Variants in ZNF729 observed in about 807,000 individuals in gnomAD.
ZNF729 encodes the protein zinc finger protein 729.
A neutral mutation model predicts 12.2 loss-of-function variants in ZNF729; 15 were observed. The ratio of observed to expected loss-of-function variants is 1.23; its 90% CI spans 0.82 to 1.89. The LOEUF is 1.89. Among genes scored for constraint, ZNF729 ranks in the 40% most tolerant of loss-of-function variants. The pLI is 0.00. For synonymous variants in ZNF729, 492 were observed against 476.3 expected, an observed-to-expected ratio of 1.03 and a Z score of -0.43; for missense variants, 1,540 against 1,456.7, an observed-to-expected ratio of 1.06 and a Z score of -0.93.
rs187014409 is a variant in ZNF729 at position 22,317,162 on chromosome 19, G to C, written c.3745G>C (p.Ala1249Pro). ...GEKPYKCEECAKAF is the reference protein window; with the variant it reads ...GEKPYKCEECPKAF ...GAAACCCTACAAATGTGAAGAATGT[G>C]CCAAAGCTTTTTAACCATCCTTCAA... The change falls in exon 4 of 4, where the codon GCC becomes CCC. Residue 1249 changes from alanine (A) to proline (P), a missense_variant. Ala to Pro is a conservative substitution (Grantham distance 27). Transcript: ENST00000601693. The C allele has an allele frequency of 8.8e-6, 14 of 1,596,668 alleles. No individual in the cohort carries two copies. In the African/African-American group the frequency reaches 1.4e-4, roughly 16 times the overall value.
At chr19:22,309,982 A>C (rs1480066527) in intron 3 of ZNF729, among the ~76,000 whole-genome samples, 1 of 151,528 alleles carries the variant, frequency 6.6e-6, no homozygotes, top group African/African-American at 2.4e-5. Context: ...GCTATTGTAA[A>C]AGGGGTTGAG....
At chr19:22,307,789 G>T (rs1599757277) in intron 3 of ZNF729, among the ~76,000 whole-genome samples, 1 of 138,654 alleles carries the variant, frequency 7.2e-6, no homozygotes, top group Non-Finnish European at 1.5e-5. Context: ...TCAAAATTTG[G>T]AAAGCTCTGT....
intron 1 of ZNF729, among the ~76,000 whole-genome samples, chr19:22,295,704 T>G (rs1968222723): frequency 6.6e-6 from 1 of 152,198 alleles, no homozygotes; most frequent in Non-Finnish European, 1.5e-5. Context: ...CCAGTCGATA[T>G]GCCAGTTTTC....
At position 22,303,896 on chromosome 19, in the gene ZNF729, T is replaced by A. The variant is rs1245711470; in HGVS notation, c.157+12T>A. 1 of 1,558,964 alleles carries A rather than the reference T, an allele frequency of 6.4e-7. No homozygotes were observed. Among genetic ancestry groups the A allele is most frequent in the East Asian group, 2.4e-5 (1 of 41,984 alleles). On this transcript the variant is annotated intron_variant, in intron 2 of 3. Coordinates refer to ENST00000601693, the MANE Select transcript of ZNF729 (RefSeq NM_001242680.2). ...CCTGGTCTTCCTGGGTGAGGATAAT[T>A]TTAATTAAGCAATTCCTATTATATT... is the stretch of plus-strand genomic sequence containing the variant.
chr19:22,288,851 A>G (rs1249097677), intron 1 of ZNF729, among the ~76,000 whole-genome samples: 1 of 152,092 alleles, frequency 6.6e-6, no homozygotes, highest in African/African-American at 2.4e-5. Flanking sequence ...CGAATCTTTG[A>G]AATCAAAAAT....
rs1162397558 is a variant in ZNF729 at position 22,307,760 on chromosome 19, AT to A, written c.253+2984del. On this transcript the variant is annotated intron_variant, in intron 3 of 3. Coordinates refer to ENST00000601693, the MANE Select transcript of ZNF729 (RefSeq NM_001242680.2). ...CTCCATCAAAAAAAAAAAAAAGCAT[AT>A]TTTTTTCTTTTATTACATCAAAATT... 2.1e-3 allele frequency among the ~76,000 whole-genome samples: 148 copies of A among 70,390 alleles called. 1 individual carries two copies. Among genetic ancestry groups the A allele is most frequent in the African/African-American group, 7.2e-3 (143 of 19,928 alleles). The allele number at this position is 70,390 out of a possible 152,430, so 46.2% of individuals were successfully genotyped here.
intron 1 of ZNF729, among the ~76,000 whole-genome samples, chr19:22,290,007 A>G (rs1020343448): frequency 1.3e-5 from 2 of 152,212 alleles, no homozygotes; most frequent in African/African-American, 4.8e-5. Context: ...CCTTACATGT[A>G]CACTGTGTTA....
Position 22,314,779 on chromosome 19 carries a change from T to C in ZNF729, c.1362T>C (p.His454=). Residue 454 remains histidine, a synonymous_variant, in exon 4 of 4, where the codon CAT becomes CAC. Transcript: ENST00000601693. The stretch of plus-strand genomic sequence containing the variant: ...CCCTTATGAAACATAAGATAATTCA[T>C]ACTGGGGAGAAACCATACAAATGTG... The part of the protein sequence containing the change: ...SSTLMKHKII[H]TGEKPYKCEE... 6.2e-7 allele frequency: 1 copy of C among 1,613,770 alleles called. No homozygotes were observed. The highest frequency in any genetic ancestry group is 8.5e-7 in the Non-Finnish European group (1 of 1,179,898).
At chr19:22,287,839 C>T (rs562320757) in intron 1 of ZNF729, among the ~76,000 whole-genome samples, 2 of 149,596 alleles carry the variant, frequency 1.3e-5, no homozygotes, top group South Asian at 4.3e-4. Flanking sequence ...ATTCACATTA[C>T]TATTTGTCCT....
chr19:22,301,726 C>T (rs1474250861), intron 1 of ZNF729, among the ~76,000 whole-genome samples: 1 of 152,302 alleles, frequency 6.6e-6, no homozygotes, highest in Non-Finnish European at 1.5e-5. Flanking sequence ...AATCTGATGA[C>T]AGAATCTGTA....
intron 3 of ZNF729, among the ~76,000 whole-genome samples, chr19:22,311,241 G>A (rs1012650141): frequency 6.6e-5 from 10 of 151,794 alleles, no homozygotes; most frequent in African/African-American, 2.4e-4. Context: ...CTGGGTTTGC[G>A]TTTGGTTTTT....
At chr19:22,311,954 GT>G (rs200572027) in intron 3 of ZNF729, among the ~76,000 whole-genome samples, 1 of 151,620 alleles carries the variant, frequency 6.6e-6, no homozygotes, top group African/African-American at 2.4e-5. Flanking sequence ...GTCCCTCTTT[GT>G]TTTTTTTAAT....
chr19:22,287,671 AT>A (rs35755169), intron 1 of ZNF729, among the ~76,000 whole-genome samples: 5,914 of 145,174 alleles, frequency 0.041, 162 homozygotes, highest in African/African-American at 0.081. Context: ...CGGAGGACTG[AT>A]TTTTTTTTTT....
rs1968493824 is a variant in ZNF729, at chr19:22,314,418, C to T, written c.1001C>T (p.Ala334Val). ...GGCAAAACTTTTAACCATTTCTCAG[C>T]CCTTAGAAAACATAAGATAATTCAT... ...DCGKTFNHFS[A>V]LRKHKIIHTG... The change falls in exon 4 of 4, where the codon GCC (alanine) becomes GTC (valine). Residue 334 changes from alanine (A) to valine (V), a missense_variant. By Grantham distance (64) the Ala-to-Val change is moderately conservative. Coordinates refer to ENST00000601693, the MANE Select transcript of ZNF729 (RefSeq NM_001242680.2). The T allele has an allele frequency of 6.3e-7, 1 of 1,590,078 alleles. No individual in the cohort carries two copies. The highest frequency in any genetic ancestry group is 8.6e-7 in the Non-Finnish European group (1 of 1,165,724).
rs1020114084 is a variant in ZNF729, at chr19:22,316,454, A to G, written c.3037A>G (p.Ile1013Val). 1 of 1,613,686 alleles carries G rather than the reference A, an allele frequency of 6.2e-7. No homozygotes were observed. The highest frequency in any genetic ancestry group is 1.3e-5 in the African/African-American group (1 of 75,032). ...NSSTLKKHKLIHTREKLYKCE... is the reference protein window; with the variant it reads ...NSSTLKKHKLVHTREKLYKCE... ...CTCAACCCTTAAGAAACATAAGCTA[A>G]TTCATACTAGGGAGAAATTGTACAA... Residue 1013 changes from isoleucine to valine, a missense_variant, in exon 4 of 4, where the codon ATT becomes GTT. Transcript: ENST00000601693.
At chr19:22,297,861 T>C (rs1178652673) in intron 1 of ZNF729, among the ~76,000 whole-genome samples, 2 of 151,622 alleles carry the variant, frequency 1.3e-5, no homozygotes, top group East Asian at 3.9e-4. Flanking sequence ...AAAAATTAGC[T>C]CGGCATGGTT....
chr19:22,297,779 G>A lies in ZNF729; in HGVS notation c.31-5979G>A, dbSNP rs190931948. Among the ~76,000 whole-genome samples, 297 of 151,676 alleles carry A rather than the reference G, an allele frequency of 2.0e-3. 1 individual carries two copies. Among genetic ancestry groups the A allele is most frequent in the African/African-American group, 6.8e-3 (282 of 41,428 alleles). The stretch of plus-strand genomic sequence containing the variant: ...AGCACTTTGGGAGGCCGAGGCGGGC[G>A]GATCACCTGAGGTCAGGAATTTGAG... On this transcript the variant is annotated intron_variant, in intron 1 of 3. Transcript: ENST00000601693.
intron 1 of ZNF729, among the ~76,000 whole-genome samples, chr19:22,298,005 C>CAAAAAAAAAAAA (rs34435303): frequency 4.4e-5 from 3 of 68,134 alleles, no homozygotes; most frequent in Admixed American, 2.0e-4. Context: ...AACTCCATCT[C>CAAAAAAAAAAAA]AAAAAAAAAA....
At chr19:22,303,437 CAA>C (rs1390514309) in intron 1 of ZNF729, among the ~76,000 whole-genome samples, 6 of 152,146 alleles carry the variant, frequency 3.9e-5, no homozygotes, top group African/African-American at 1.4e-4. Context: ...GAAAAATATA[CAA>C]GACTTATTCT....
Sources: allele counts gnomAD v4.1 joint callset (sites outside exome capture counted in the v4.1 genomes callset), GRCh38; gene constraint gnomAD v4.1.1; transcripts MANE v1.5; gene names NCBI Gene and HGNC (gene_info 2026-07-23, HGNC 2026-07-21).